Variants in ROBO2 observed in about 807,000 individuals in gnomAD.
ROBO2 encodes roundabout homolog 2.
ROBO2 carries 53 observed loss-of-function variants against 160.8 expected under a neutral mutation model. That is an observed-to-expected ratio of 0.33 (90% confidence interval 0.26 to 0.41). The LOEUF (loss-of-function observed/expected upper bound fraction) is 0.41. Ranked by LOEUF, ROBO2 falls within the 10% of genes least tolerant of loss-of-function variation. The pLI, the probability that ROBO2 is intolerant of heterozygous loss-of-function variation, is 1.00. For missense variants in ROBO2, 1,577 were observed against 1,722.4 expected (o/e 0.92, Z 1.49); for synonymous variants, 664 against 611.7 (o/e 1.09, Z -1.26).
At chr3:77,547,302 A>AT (rs1226781536) in intron 7 of ROBO2, among the ~76,000 whole-genome samples, 1 of 152,058 alleles carries the variant, frequency 6.6e-6, no homozygotes, top group African/African-American at 2.4e-5. Flanking sequence ...ACCTGGAGAT[A>AT]TTTTCCTTCT....
At chr3:76,324,768 G>A (rs1265333428) in intron 2 of ROBO2, among the ~76,000 whole-genome samples, 1 of 152,066 alleles carries the variant, frequency 6.6e-6, no homozygotes, top group Non-Finnish European at 1.5e-5. Context: ...TTTACTACAT[G>A]CAATTTCTCT....
chr3:77,477,361 A>G (rs753547706), intron 2 of ROBO2, 53 bp from the exon 3 acceptor site: 9 of 1,584,328 alleles, frequency 5.7e-6, no homozygotes, highest in Non-Finnish European at 6.9e-6. Context: ...GTACAACAAA[A>G]AGCCTAAGTT....
intron 2 of ROBO2, among the ~76,000 whole-genome samples, chr3:77,230,945 C>T (rs1275357648): frequency 6.6e-6 from 1 of 152,002 alleles, no homozygotes; most frequent in Non-Finnish European, 1.5e-5. Context: ...AAGATACTAC[C>T]TTCATAGGCA....
chr3:76,272,586 C>G lies in ROBO2; in HGVS notation c.109+334984C>G, dbSNP rs1196759120. ...GCTAAGGCAGGAAAATCACTGGAAT[C>G]TGGGAGGCGGAAGTTGCAGTGAGCT... On this transcript the variant is annotated intron_variant, in intron 2 of 26. Coordinates refer to the ROBO2 transcript ENST00000487694. 4.3e-5 allele frequency among the ~76,000 whole-genome samples: 6 copies of G among 140,584 alleles called. No homozygotes were observed. In the East Asian group the frequency reaches 1.2e-3, roughly 29 times the overall value. The allele number at this position is 140,584 out of a possible 152,430, so 92.2% of individuals were successfully genotyped here.
chr3:77,441,006 A>G (rs1581965681), intron 2 of ROBO2, among the ~76,000 whole-genome samples: 1 of 152,114 alleles, frequency 6.6e-6, no homozygotes, highest in East Asian at 1.9e-4. Flanking sequence ...CCCATATTCT[A>G]TTCTTTCTGT....
intron 2 of ROBO2, among the ~76,000 whole-genome samples, chr3:76,858,743 A>G (rs562719386): frequency 1.3e-5 from 2 of 152,368 alleles, no homozygotes; most frequent in African/African-American, 4.8e-5. Context: ...AATGCAAACA[A>G]TGATTTAGGA....
At chr3:76,198,751 CT>C (rs1258802360) in intron 2 of ROBO2, among the ~76,000 whole-genome samples, 2 of 152,274 alleles carry the variant, frequency 1.3e-5, no homozygotes, top group East Asian at 3.9e-4. Flanking sequence ...CCAGACACTC[CT>C]TTCTATTGAT....
intron 2 of ROBO2, among the ~76,000 whole-genome samples, chr3:77,226,766 A>C (rs2151246731): frequency 6.6e-6 from 1 of 152,106 alleles, no homozygotes; most frequent in East Asian, 1.9e-4. Context: ...AAATCATCTC[A>C]CACAAAGCCT....
chr3:75,930,139 C>CT (rs989442615), intron 1 of ROBO2, among the ~76,000 whole-genome samples: 1 of 152,162 alleles, frequency 6.6e-6, no homozygotes, highest in Non-Finnish European at 1.5e-5. Flanking sequence ...ATTTCCATTA[C>CT]TTTTTTTCTT....
At chr3:76,066,410 A>C (rs2068255455) in intron 2 of ROBO2, among the ~76,000 whole-genome samples, 1 of 152,086 alleles carries the variant, frequency 6.6e-6, no homozygotes, top group South Asian at 2.1e-4. Context: ...ATATAAGTTA[A>C]CCTCTTTAGT....
intron 2 of ROBO2, among the ~76,000 whole-genome samples, chr3:76,666,590 C>A (rs2092056349): frequency 6.6e-6 from 1 of 151,886 alleles, no homozygotes; most frequent in South Asian, 2.1e-4. Context: ...CTGATTCTGA[C>A]CCTACATTTC....
chr3:77,051,133 G>T (rs1288925267), intron 1 of ROBO2, among the ~76,000 whole-genome samples: 1 of 152,112 alleles, frequency 6.6e-6, no homozygotes, highest in Non-Finnish European at 1.5e-5. Context: ...ATTTAACTGG[G>T]TTATTCCTCA....
At chr3:76,480,484 G>T (rs185597076) in intron 2 of ROBO2, among the ~76,000 whole-genome samples, 1 of 152,142 alleles carries the variant, frequency 6.6e-6, no homozygotes, top group Non-Finnish European at 1.5e-5. Flanking sequence ...GTCTATTGGG[G>T]TTGCTCTAAC....
intron 1 of ROBO2, among the ~76,000 whole-genome samples, chr3:77,082,136 A>G (rs1190425093): frequency 6.6e-6 from 1 of 152,230 alleles, no homozygotes; most frequent in African/African-American, 2.4e-5. Flanking sequence ...AGGAGAGGGA[A>G]AAACACTAAC....
chr3:75,933,188 C>A (rs560940222), intron 1 of ROBO2, among the ~76,000 whole-genome samples: 4 of 152,166 alleles, frequency 2.6e-5, no homozygotes, highest in African/African-American at 7.2e-5. Flanking sequence ...TGAAAATTTT[C>A]CATTGAAAAA....
intron 2 of ROBO2, among the ~76,000 whole-genome samples, chr3:77,289,482 C>T (rs2060900410): frequency 6.7e-6 from 1 of 149,526 alleles, no homozygotes; most frequent in Non-Finnish European, 1.5e-5. Context: ...GGCTAGAGCA[C>T]TAAAGATATA....
At chr3:76,089,852 T>A (rs1464607919) in intron 2 of ROBO2, among the ~76,000 whole-genome samples, 2 of 152,174 alleles carry the variant, frequency 1.3e-5, no homozygotes, top group African/African-American at 2.4e-5. Flanking sequence ...AACAAAATTT[T>A]AAAATATAGA....
At chr3:76,008,839 A>G (rs1222436385) in intron 2 of ROBO2, among the ~76,000 whole-genome samples, 2 of 152,158 alleles carry the variant, frequency 1.3e-5, no homozygotes, top group African/African-American at 4.8e-5. Context: ...TGTAAATTTT[A>G]CATGACATGT....
At chr3:76,202,874 G>A (rs1702603192) in intron 2 of ROBO2, among the ~76,000 whole-genome samples, 1 of 151,302 alleles carries the variant, frequency 6.6e-6, no homozygotes, top group African/African-American at 2.5e-5. Flanking sequence ...TTGACTTGTT[G>A]ATCTACTGTC....
Sources: gnomAD v4.1 joint callset for allele counts (sites outside exome capture counted in the v4.1 genomes callset) on GRCh38, gnomAD v4.1.1 for gene constraint, MANE v1.5 for transcripts, NCBI Gene and HGNC (gene_info 2026-07-23, HGNC 2026-07-21) for gene names.